Variants in CERKL observed in about 807,000 individuals in gnomAD.
CERKL encodes the protein CERK like autophagy regulator.
A neutral mutation model predicts 63.4 loss-of-function variants in CERKL; 61 were observed. That is an observed-to-expected ratio of 0.96 (90% confidence interval 0.78 to 1.19). CERKL has a LOEUF of 1.19. Ranked by LOEUF, CERKL falls within the 50% of genes most tolerant of loss-of-function variation. CERKL has a pLI of 0.00. For missense variants in CERKL, 675 were observed against 655.5 expected (o/e 1.03, Z -0.33); for synonymous variants, 250 against 230.5 (o/e 1.08, Z -0.77).
intron 2 of CERKL, among the ~76,000 whole-genome samples, chr2:181,591,005 T>C (rs1488342939): frequency 6.6e-6 from 1 of 152,090 alleles, no homozygotes; most frequent in African/African-American, 2.4e-5. Flanking sequence ...AGTCAAAATG[T>C]CCACACATGG....
intron 4 of CERKL, among the ~76,000 whole-genome samples, chr2:181,562,833 T>A (rs994865316): frequency 7.9e-5 from 12 of 152,294 alleles, no homozygotes; most frequent in African/African-American, 2.6e-4. Flanking sequence ...TTTTTCTTTC[T>A]GGAAAAGTTT....
intron 4 of CERKL, among the ~76,000 whole-genome samples, chr2:181,559,523 G>A (rs1340058040): frequency 1.3e-5 from 2 of 152,160 alleles, no homozygotes; most frequent in African/African-American, 4.8e-5. Context: ...AGGAATGGAA[G>A]AGTAGGCTCA....
At chr2:181,595,520 A>G (rs1484468416) in intron 2 of CERKL, among the ~76,000 whole-genome samples, 2 of 152,196 alleles carry the variant, frequency 1.3e-5, no homozygotes, top group African/African-American at 4.8e-5. Flanking sequence ...ATAAATCTAA[A>G]CACAGTAAAT....
chr2:181,582,537 G>GT (rs1254376276), intron 2 of CERKL, among the ~76,000 whole-genome samples: 142 of 118,840 alleles, frequency 1.2e-3, no homozygotes, highest in East Asian at 8.9e-3. Context: ...ATATATATAT[G>GT]TTTTTTTTTT....
At chr2:181,632,473 A>G (rs188606035) in intron 1 of CERKL, among the ~76,000 whole-genome samples, 3 of 152,324 alleles carry the variant, frequency 2.0e-5, no homozygotes, top group Admixed American at 2.0e-4. Flanking sequence ...CTATTCTTCA[A>G]TTTCCGATGA....
chr2:181,553,119 C>G (rs1171390249), intron 5 of CERKL, among the ~76,000 whole-genome samples: 1 of 152,140 alleles, frequency 6.6e-6, no homozygotes, highest in Non-Finnish European at 1.5e-5. Context: ...TCTGTTTTAG[C>G]AAGTTCACAA....
At chr2:181,605,506 T>C (rs775970001) in intron 1 of CERKL, among the ~76,000 whole-genome samples, 3 of 152,162 alleles carry the variant, frequency 2.0e-5, no homozygotes, top group Non-Finnish European at 2.9e-5. Flanking sequence ...ATGGTAAGTA[T>C]TTAGAAGAGT....
intron 2 of CERKL, among the ~76,000 whole-genome samples, chr2:181,600,871 T>C (rs1339260753): frequency 6.6e-6 from 1 of 152,212 alleles, no homozygotes; most frequent in Non-Finnish European, 1.5e-5. Context: ...GACAGACATC[T>C]GCAGAATATT....
chr2:181,634,426 C>T (rs1475926267), intron 1 of CERKL, among the ~76,000 whole-genome samples: 2 of 152,080 alleles, frequency 1.3e-5, no homozygotes, highest in Admixed American at 6.5e-5. Context: ...CATTATGTTG[C>T]AACAGTATGT....
chr2:181,556,559 C>T (rs193091697), intron 5 of CERKL, among the ~76,000 whole-genome samples: 51 of 152,284 alleles, frequency 3.3e-4, no homozygotes, highest in African/African-American at 1.1e-3. Flanking sequence ...CATGTCCCTA[C>T]AAAGGATATG....
chr2:181,645,324 A>G (rs1687622857), intron 1 of CERKL, among the ~76,000 whole-genome samples: 1 of 152,234 alleles, frequency 6.6e-6, no homozygotes, highest in Non-Finnish European at 1.5e-5. Flanking sequence ...GTAAACCAGT[A>G]ACAAATTCAT....
At chr2:181,649,700 TA>T (rs753794506) in intron 1 of CERKL, 5 of 152,164 alleles carry the variant, frequency 3.3e-5, no homozygotes, top group Non-Finnish European at 7.3e-5. Context: ...AAGATTAAGA[TA>T]ATATCAAGTA....
At chr2:181,555,411 T>A (rs574768327) in intron 5 of CERKL, among the ~76,000 whole-genome samples, 2 of 152,318 alleles carry the variant, frequency 1.3e-5, no homozygotes, top group African/African-American at 4.8e-5. Context: ...GTCAAAATCA[T>A]CTTGGTGTCT....
chr2:181,593,577 T>G (rs1685073796), intron 2 of CERKL, among the ~76,000 whole-genome samples: 1 of 151,888 alleles, frequency 6.6e-6, no homozygotes, highest in Non-Finnish European at 1.5e-5. Flanking sequence ...AGTTGGGCAT[T>G]AGACTGCCTA....
intron 4 of CERKL, among the ~76,000 whole-genome samples, chr2:181,559,297 T>C (rs1688338041): frequency 6.6e-6 from 1 of 152,188 alleles, no homozygotes; most frequent in Non-Finnish European, 1.5e-5. Context: ...TAGATAGTAC[T>C]ACTAGTATAT....
intron 5 of CERKL, among the ~76,000 whole-genome samples, chr2:181,554,011 G>A (rs1688098690): frequency 6.6e-6 from 1 of 151,932 alleles, no homozygotes; most frequent in Non-Finnish European, 1.5e-5. Flanking sequence ...ATTTTAATTA[G>A]CCTGAAAGTT....
intron 1 of CERKL, among the ~76,000 whole-genome samples, chr2:181,615,461 A>G (rs945570081): frequency 6.6e-6 from 1 of 152,232 alleles, no homozygotes; most frequent in African/African-American, 2.4e-5. Flanking sequence ...TTAGAGCTGG[A>G]TTTATCTGCT....
At chr2:181,639,809 A>G (rs977459920) in intron 1 of CERKL, among the ~76,000 whole-genome samples, 2 of 152,202 alleles carry the variant, frequency 1.3e-5, no homozygotes, top group Non-Finnish European at 2.9e-5. Context: ...AATTCTATCT[A>G]GACTACATAG....
At chr2:181,581,751 G>T (rs1684523482) in intron 2 of CERKL, among the ~76,000 whole-genome samples, 1 of 152,140 alleles carries the variant, frequency 6.6e-6, no homozygotes, top group Non-Finnish European at 1.5e-5. Flanking sequence ...CTGGGACATG[G>T]TGCCATATCC....
Sources: gnomAD v4.1 joint callset for allele counts (sites outside exome capture counted in the v4.1 genomes callset) on GRCh38, gnomAD v4.1.1 for gene constraint, MANE v1.5 for transcripts, NCBI Gene and HGNC (gene_info 2026-07-23, HGNC 2026-07-21) for gene names.